The following ANKRD22 variants were observed in gnomAD, a reference collection of about 807,000 sequenced individuals.
The protein encoded by ANKRD22 is ankyrin repeat domain-containing protein 22.
A neutral mutation model predicts 25.7 loss-of-function variants in ANKRD22; 24 were observed. The observed-to-expected ratio is 0.93, with a 90% CI of 0.68 to 1.31. The LOEUF (loss-of-function observed/expected upper bound fraction) is 1.31, where lower values mean the gene tolerates loss of function less well. Ranked by LOEUF, ANKRD22 falls within the 50% of genes most tolerant of loss-of-function variation. The pLI, the probability that ANKRD22 is intolerant of heterozygous loss-of-function variation, is 0.00. For synonymous variants in ANKRD22, 84 were observed against 84.3 expected, an observed-to-expected ratio of 1.00 and a Z score of 0.02; for missense variants, 214 against 227.1, an observed-to-expected ratio of 0.94 and a Z score of 0.37.
At chr10:88,845,709 C>A (rs751716164) in intron 1 of ANKRD22, among the ~76,000 whole-genome samples, 1 of 152,100 alleles carries the variant, frequency 6.6e-6, no homozygotes, top group Non-Finnish European at 1.5e-5. Flanking sequence ...TAGTCTAATG[C>A]AACCATCATT....
intron 1 of ANKRD22, among the ~76,000 whole-genome samples, chr10:88,843,340 C>A (rs968796405): frequency 6.6e-6 from 1 of 152,198 alleles, no homozygotes; most frequent in South Asian, 2.1e-4. Context: ...GATCTTGATA[C>A]CTGCCAAAGG....
At chr10:88,829,632 G>A (rs1052307663) in intron 2 of ANKRD22, among the ~76,000 whole-genome samples, 3 of 151,168 alleles carry the variant, frequency 2.0e-5, no homozygotes, top group African/African-American at 7.3e-5. Flanking sequence ...CGTATATTTA[G>A]AATATGTACA....
At chr10:88,825,904 A>T (rs1326502990) in intron 4 of ANKRD22, 134 bp downstream of exon 4, 5 of 765,116 alleles carry the variant, frequency 6.5e-6, no homozygotes. Context: ...TCAGTGGGAA[A>T]AAAAAGGAGA....
intron 3 of ANKRD22, 58 bp downstream of exon 3, chr10:88,828,501 A>G (rs1843875571): frequency 7.8e-7 from 1 of 1,283,374 alleles, no homozygotes; most frequent in Non-Finnish European, 1.1e-6. Context: ...GGCAAGAGTC[A>G]ATGAGTCACA....
intron 1 of ANKRD22, among the ~76,000 whole-genome samples, chr10:88,832,520 T>C (rs928511837): frequency 1.3e-5 from 2 of 151,478 alleles, no homozygotes; most frequent in Non-Finnish European, 2.9e-5. Context: ...TTTATCTTTA[T>C]CTTTACTAAA....
rs996629025 is a variant in ANKRD22, at chr10:88,820,543, T to G, written c.*2398A>C. 3.3e-6 allele frequency: 5 copies of G among 1,529,300 alleles called. No individual in the cohort carries two copies. Among genetic ancestry groups the G allele is most frequent in the Non-Finnish European group, 4.4e-6 (5 of 1,138,232 alleles). The allele number at this position is 1,529,300 out of a possible 1,614,324, so 94.7% of individuals were successfully genotyped here. A position where few individuals can be genotyped will look rare whatever the true frequency, so the allele number is the denominator to read the frequency against. On this transcript the variant is annotated 3_prime_UTR_variant, in exon 6 of 6. Coordinates refer to ENST00000371930, the MANE Select transcript of ANKRD22 (RefSeq NM_144590.3). ...GATCTTAGGACAACCTCCTGAGGGA[T>G]GGGGCTAGGACCCATGAAGGCAGAA...
rs1307901964 is a variant in ANKRD22, at chr10:88,820,452, A to T, written c.*2489T>A. On this transcript the variant is annotated 3_prime_UTR_variant, in exon 6 of 6. Coordinates refer to ENST00000371930, the MANE Select transcript of ANKRD22 (RefSeq NM_144590.3). ...TACAATGAAATCATCCATCTGATGC[A>T]GCAGGAGGAGACCAACCTTTCCCAG... The T allele has an allele frequency of 3.2e-6, 5 of 1,551,808 alleles. No individual in the cohort carries two copies. The highest frequency in any genetic ancestry group is 4.4e-6 in the Non-Finnish European group (5 of 1,147,058).
At chr10:88,823,209 T>C in intron 5 of ANKRD22, 71 bp downstream of exon 5, 1 of 1,402,320 alleles carries the variant, frequency 7.1e-7, no homozygotes, top group East Asian at 2.3e-5. Flanking sequence ...AATAATTTAC[T>C]TCAACATAAG....
At position 88,828,663 on chromosome 10, in the gene ANKRD22, C is replaced by G. The variant is rs1406757845; in HGVS notation, c.217G>C (p.Glu73Gln). Residue 73 changes from glutamate (E) to glutamine (Q), a missense_variant, in exon 3 of 6, where the codon GAG (glutamate) becomes CAG (glutamine). Coordinates refer to ENST00000371930, the MANE Select transcript of ANKRD22 (RefSeq NM_144590.3). ...NANVNLKNQK[E>Q]RTCLHYAVKK... ...ACAGCATAATGCAAGCAGGTTCTCTCTTTCTAAAAATTAAGAAAAGGATTC... is the reference window on the plus strand; with the variant it reads ...ACAGCATAATGCAAGCAGGTTCTCTGTTTCTAAAAATTAAGAAAAGGATTC... The G allele has an allele frequency of 1.9e-6, 3 of 1,577,026 alleles. No individual in the cohort carries two copies. The highest frequency in any genetic ancestry group is 1.2e-5 in the South Asian group (1 of 85,964).
intron 4 of ANKRD22, among the ~76,000 whole-genome samples, chr10:88,824,934 G>A (rs1206154270): frequency 6.7e-6 from 1 of 149,842 alleles, no homozygotes; most frequent in African/African-American, 2.5e-5. Flanking sequence ...TTATCCAAAA[G>A]TTCTATTTGA....
At chr10:88,840,969 G>T (rs17113558) in intron 1 of ANKRD22, among the ~76,000 whole-genome samples, 1,927 of 152,226 alleles carry the variant, frequency 0.013, 48 homozygotes, top group African/African-American at 0.044. Flanking sequence ...ACCACTGGCT[G>T]GAACGTGTAG....
chr10:88,828,293 G>A (rs1009802824), intron 3 of ANKRD22, among the ~76,000 whole-genome samples: 14 of 152,168 alleles, frequency 9.2e-5, no homozygotes, highest in African/African-American at 3.4e-4. Context: ...GCTCCCTTCA[G>A]AAAAGTCTTA....
chr10:88,824,251 C>CA (rs1290446485), intron 4 of ANKRD22, among the ~76,000 whole-genome samples: 1 of 152,056 alleles, frequency 6.6e-6, no homozygotes. Flanking sequence ...CACTACAGGT[C>CA]AAAAAAATTA....
chr10:88,849,942 A>G (rs1844087843), intron 1 of ANKRD22, among the ~76,000 whole-genome samples: 1 of 151,964 alleles, frequency 6.6e-6, no homozygotes, highest in African/African-American at 2.4e-5. Context: ...GCAAAGCTCT[A>G]AGGAAAAATG....
chr10:88,851,828 G>T lies in ANKRD22; in HGVS notation c.-221C>A. On this transcript the variant is annotated 5_prime_UTR_variant, in exon 1 of 6. Coordinates refer to ENST00000371930, the MANE Select transcript of ANKRD22 (RefSeq NM_144590.3). ...GAGAGCCCAGCCCAATGAAACAAAG[G>T]CACTGGTGTCATGTGTAACGACCCA... 1 of 564,724 alleles carries T rather than the reference G, an allele frequency of 1.8e-6. No homozygotes were observed. Among genetic ancestry groups the T allele is most frequent in the East Asian group, 2.9e-5 (1 of 34,860 alleles). 35.0% of individuals were successfully genotyped at this position (564,724 alleles called of 1,614,324 possible). A position where few individuals can be genotyped will look rare whatever the true frequency, so the allele number is the denominator to read the frequency against.
intron 4 of ANKRD22, among the ~76,000 whole-genome samples, chr10:88,824,642 C>A (rs1843835789): frequency 6.6e-6 from 1 of 152,150 alleles, no homozygotes; most frequent in South Asian, 2.1e-4. Context: ...GGGATCCTCC[C>A]ATCTCAGCCT....
chr10:88,828,355 T>C (rs777035589), intron 3 of ANKRD22, among the ~76,000 whole-genome samples: 1 of 152,258 alleles, frequency 6.6e-6, no homozygotes, highest in Admixed American at 6.5e-5. Context: ...TATGTTACCA[T>C]TGATTAACTA....
chr10:88,821,627 C>T lies in ANKRD22; in HGVS notation c.*1314G>A, dbSNP rs1490902854. Among the ~76,000 whole-genome samples the T allele has an allele frequency of 6.6e-6, 1 of 152,208 alleles. No homozygotes were observed. Among genetic ancestry groups the T allele is most frequent in the Non-Finnish European group, 1.5e-5 (1 of 68,022 alleles). On this transcript the variant is annotated 3_prime_UTR_variant, in exon 6 of 6. Transcript: ENST00000371930. Reference sequence around the variant, plus strand: ...AGACTTCAGAATCTATATCTACACACTATTACTTCCTTCATAAAATAAGTT... The same window carrying T: ...AGACTTCAGAATCTATATCTACACATTATTACTTCCTTCATAAAATAAGTT...
intron 1 of ANKRD22, among the ~76,000 whole-genome samples, chr10:88,840,018 C>T (rs540000298): frequency 2.0e-5 from 3 of 152,192 alleles, no homozygotes; most frequent in Non-Finnish European, 4.4e-5. Context: ...AGAAACAAGC[C>T]CCCCATAATG....
Sources: gnomAD v4.1 joint callset for allele counts (sites outside exome capture counted in the v4.1 genomes callset) on GRCh38, gnomAD v4.1.1 for gene constraint, MANE v1.5 for transcripts, NCBI Gene and HGNC (gene_info 2026-07-23, HGNC 2026-07-21) for gene names.